TNRC18: variants seen among roughly 807,000 people sequenced by gnomAD.
The protein encoded by TNRC18 is trinucleotide repeat containing 18.
TNRC18 carries 69 observed loss-of-function variants against 226.7 expected under a neutral mutation model. The observed-to-expected ratio is 0.30, with a 90% CI of 0.25 to 0.37. TNRC18 has a LOEUF of 0.37. Among genes scored for constraint, TNRC18 ranks in the 10% least tolerant of loss-of-function variants. TNRC18 has a pLI of 1.00. For missense variants in TNRC18, 4,754 were observed against 4,256.6 expected (o/e 1.12, Z -3.25); for synonymous variants, 2,449 against 1,927.6 (o/e 1.27, Z -7.09).
At chr7:5,420,516 C>T (rs1204237258) in intron 2 of TNRC18, 5 of 447,554 alleles carry the variant, frequency 1.1e-5, no homozygotes, top group Non-Finnish European at 2.2e-5. Context: ...AGGCCAGGGT[C>T]CCAAGGCTGG....
intron 17 of TNRC18, among the ~76,000 whole-genome samples, chr7:5,350,788 G>T (rs78954481): frequency 0.077 from 11,668 of 152,228 alleles, 605 homozygotes; most frequent in East Asian, 0.18. Context: ...GAGAACCGAG[G>T]TGGCTGAGGA....
intron 4 of TNRC18, 131 bp from the exon 5 acceptor site, chr7:5,389,467 T>TTGTTTTTTTTTTG (rs1224285158): frequency 1.8e-6 from 2 of 1,103,228 alleles, no homozygotes; most frequent in African/African-American, 3.6e-5. Context: ...TTTGGTTTTT[T>TTGTTTTTTTTTTG]TTTTCAGAAA....
intron 19 of TNRC18, among the ~76,000 whole-genome samples, chr7:5,332,224 G>A (rs1285244052): frequency 6.6e-6 from 1 of 152,162 alleles, no homozygotes; most frequent in Admixed American, 6.5e-5. Context: ...ATCACTAAAG[G>A]TCAGGAGTTC....
intron 21 of TNRC18, among the ~76,000 whole-genome samples, chr7:5,322,105 C>A (rs1788429604): frequency 6.6e-6 from 1 of 152,048 alleles, no homozygotes; most frequent in Non-Finnish European, 1.5e-5. Context: ...TGGTGAAACC[C>A]TGTCTCTACT....
rs1781941027 is a variant in TNRC18, at chr7:5,413,042, G to C, written c.187+8018C>G. 2.0e-5 allele frequency among the ~76,000 whole-genome samples: 3 copies of C among 152,334 alleles called. No homozygotes were observed. The South Asian group carries it at 6.2e-4, about 32-fold the overall frequency. The stretch of plus-strand genomic sequence containing the variant: ...GGGCAGCAGAGGTGGTAAGGACCCT[G>C]GCCCTGACTGACCACTAACCAGGGC... On this transcript the variant is annotated intron_variant, in intron 2 of 29. Transcript: ENST00000430969.
intron 19 of TNRC18, among the ~76,000 whole-genome samples, chr7:5,327,463 C>T (rs1485964845): frequency 1.3e-5 from 2 of 150,854 alleles, no homozygotes; most frequent in South Asian, 2.1e-4. Flanking sequence ...GCAAGTCATC[C>T]TTCTGGAATC....
Position 5,394,961 on chromosome 7 carries a change from G to A in TNRC18, c.188-366C>T, listed in dbSNP as rs541014237. Reference sequence around the variant, plus strand: ...CATCTGCAGGTGGAATCCTGAAGTCGGTGGCGCACTGGGACTTCCAGAGGC... The same window carrying A: ...CATCTGCAGGTGGAATCCTGAAGTCAGTGGCGCACTGGGACTTCCAGAGGC... On this transcript the variant is annotated intron_variant, in intron 2 of 29. Coordinates refer to ENST00000430969, the MANE Select transcript of TNRC18 (RefSeq NM_001080495.3). This position sits in a 1 kb window ranked among gnomAD's most constrained non-coding sequence, Gnocchi z 4.5. Among the ~76,000 whole-genome samples the A allele has an allele frequency of 1.6e-4, 25 of 152,250 alleles. No individual in the cohort carries two copies. The highest frequency in any genetic ancestry group is 3.9e-4 in the East Asian group (2 of 5,184).
At chr7:5,314,011 G>A in intron 26 of TNRC18, 148 bp from the exon 27 acceptor site, 1 of 903,626 alleles carries the variant, frequency 1.1e-6, no homozygotes. Context: ...AAGCTGGAAT[G>A]CAGTGGCGTC....
intron 3 of TNRC18, 35 bp from the exon 4 acceptor site, chr7:5,390,663 A>C (rs551629184): frequency 3.4e-6 from 5 of 1,476,732 alleles, no homozygotes; most frequent in Non-Finnish European, 4.5e-6. Flanking sequence ...GGCTGGGCCA[A>C]TTCGTGCTGC....
chr7:5,376,564 G>A (rs1478124018), intron 8 of TNRC18, among the ~76,000 whole-genome samples: 1 of 152,164 alleles, frequency 6.6e-6, no homozygotes, highest in Middle Eastern at 3.2e-3. Context: ...CTACAAGGTG[G>A]ATTCCTGGGG....
chr7:5,419,388 T>G (rs1782395513), intron 2 of TNRC18, among the ~76,000 whole-genome samples: 1 of 151,844 alleles, frequency 6.6e-6, no homozygotes, highest in African/African-American at 2.4e-5. Flanking sequence ...GAGACCCGGG[T>G]ACCGATTCCC....
chr7:5,371,455 C>T, intron 10 of TNRC18, 91 bp from the exon 11 acceptor site: 1 of 1,401,618 alleles, frequency 7.1e-7, no homozygotes, highest in Non-Finnish European at 9.3e-7. Context: ...GACAGAGACC[C>T]AGGACGCAGC....
At chr7:5,362,428 G>T (rs1003290260) in intron 12 of TNRC18, among the ~76,000 whole-genome samples, 1 of 152,138 alleles carries the variant, frequency 6.6e-6, no homozygotes, top group Non-Finnish European at 1.5e-5. Context: ...ACCGCGACCT[G>T]TGTGATGAGC....
At chr7:5,385,500 A>C (rs1779700971) in intron 5 of TNRC18, among the ~76,000 whole-genome samples, 2 of 57,732 alleles carry the variant, frequency 3.5e-5, no homozygotes, top group South Asian at 5.6e-4. Flanking sequence ...GTCTCAAAAA[A>C]AAAAAAAAAA....
At chr7:5,330,604 T>C (rs1789425352) in intron 19 of TNRC18, among the ~76,000 whole-genome samples, 1 of 152,010 alleles carries the variant, frequency 6.6e-6, no homozygotes. Context: ...CTTCACACAG[T>C]CCTGCATGGT....
chr7:5,356,837 GGA>G, intron 16 of TNRC18, 77 bp downstream of exon 16: 18 of 1,433,748 alleles, frequency 1.3e-5, no homozygotes, highest in South Asian at 5.8e-5. Flanking sequence ...GGGCGGGGGG[GGA>G]AGGAGGACGG....
intron 14 of TNRC18, 40 bp downstream of exon 14, chr7:5,361,554 C>G: frequency 6.9e-7 from 1 of 1,457,216 alleles, no homozygotes; most frequent in Non-Finnish European, 9.1e-7. Flanking sequence ...TCCCCTCAAG[C>G]TGTGTGCCAG....
Position 5,377,770 on chromosome 7 carries a change from G to C in TNRC18, c.2255+152C>G, listed in dbSNP as rs1438948658. Among the ~76,000 whole-genome samples the C allele has an allele frequency of 6.6e-6, 1 of 152,128 alleles. No homozygotes were observed. The highest frequency in any genetic ancestry group is 2.4e-5 in the African/African-American group (1 of 41,412). On this transcript the variant is annotated intron_variant, in intron 6 of 29. Coordinates refer to ENST00000430969, the MANE Select transcript of TNRC18 (RefSeq NM_001080495.3). The surrounding 1 kb of genome is among the most constrained non-coding windows in gnomAD (Gnocchi z 5.8). ...GGGGCCACCTGGCCTGGGCAGGGCT[G>C]GCCCGATGCTGAGGACCAGAGTGAC...
At chr7:5,404,578 T>C (rs749269951) in intron 2 of TNRC18, among the ~76,000 whole-genome samples, 1 of 152,038 alleles carries the variant, frequency 6.6e-6, no homozygotes, top group Non-Finnish European at 1.5e-5. Flanking sequence ...AGCCAATTCA[T>C]CTCCAGCTTT....
Sources: allele counts gnomAD v4.1 joint callset (sites outside exome capture counted in the v4.1 genomes callset), GRCh38; gene constraint gnomAD v4.1.1; non-coding constraint Gnocchi (gnomAD v3.1); transcripts MANE v1.5; gene names NCBI Gene and HGNC (gene_info 2026-07-23, HGNC 2026-07-21).